The following GLTP variants were observed in gnomAD, a reference collection of about 807,000 sequenced individuals.
GLTP encodes the protein glycolipid transfer protein.
Under a neutral mutation model 24.0 loss-of-function variants are expected in GLTP, and 22 were observed. That is an observed-to-expected ratio of 0.92 (90% CI 0.65 to 1.31). The LOEUF (loss-of-function observed/expected upper bound fraction) is 1.31. GLTP is among the 50% of genes most tolerant of loss of function. The pLI is 0.00. For missense variants in GLTP, 224 were observed against 276.6 expected (o/e 0.81, Z 1.35); for synonymous variants, 92 against 115.9 (o/e 0.79, Z 1.33).
chr12:109,856,211 T>TC (rs1291298943), intron 3 of GLTP, among the ~76,000 whole-genome samples: 1 of 152,108 alleles, frequency 6.6e-6, no homozygotes, highest in Non-Finnish European at 1.5e-5. Flanking sequence ...GTACCAGGCT[T>TC]CCCGCCTCCA....
Position 109,869,317 on chromosome 12 carries a change from AAAAG to A in GLTP, c.104-10580_104-10577del, listed in dbSNP as rs1214165499. On this transcript the variant is annotated intron_variant, in intron 1 of 4. Transcript: ENST00000318348. ...AGGCTCTACCTCAAAAAAAAAAAAA[AAAAG>A]AAAGAAAGAAAGAAAGAAAGAGAAA... 9.5e-3 allele frequency among the ~76,000 whole-genome samples: 1,294 copies of A among 135,604 alleles called. 11 individuals carry two copies. The highest frequency in any genetic ancestry group is 0.043 in the Middle Eastern group (11 of 254). The allele number at this position is 135,604 out of a possible 152,430, so 89.0% of individuals were successfully genotyped here.
chr12:109,878,846 T>C (rs924007614), intron 1 of GLTP, among the ~76,000 whole-genome samples: 1 of 152,158 alleles, frequency 6.6e-6, no homozygotes, highest in Non-Finnish European at 1.5e-5. Context: ...TCAGGTTGCT[T>C]ACCCAGGTCT....
intron 1 of GLTP, among the ~76,000 whole-genome samples, chr12:109,869,316 A>AG (rs1181168158): frequency 1.3e-5 from 2 of 148,378 alleles, no homozygotes; most frequent in African/African-American, 5.1e-5. Flanking sequence ...AAAAAAAAAA[A>AG]AAAAGAAAGA....
Position 109,880,127 on chromosome 12 carries a change from G to T in GLTP, c.103+145C>A. 1.8e-6 allele frequency: 1 copy of T among 570,604 alleles called. No individual in the cohort carries two copies. Among genetic ancestry groups the T allele is most frequent in the Non-Finnish European group, 3.2e-6 (1 of 316,662 alleles). 35.3% of individuals were successfully genotyped at this position (570,604 alleles called of 1,614,324 possible). On this transcript the variant is annotated intron_variant, in intron 1 of 4. Coordinates refer to ENST00000318348, the MANE Select transcript of GLTP (RefSeq NM_016433.4). The surrounding 1 kb of genome is among the most constrained non-coding windows in gnomAD (Gnocchi z 5.1). ...GTCCGGGAAAGGGAGAATTTAGGGT[G>T]AGTGGAGGGAAAGAGGATCTTGGGT...
intron 1 of GLTP, among the ~76,000 whole-genome samples, chr12:109,861,129 C>T (rs1868358436): frequency 6.6e-6 from 1 of 152,146 alleles, no homozygotes; most frequent in South Asian, 2.1e-4. Context: ...CACCAAGTGA[C>T]CGCATGAGGG....
At chr12:109,854,532 G>A (rs1892771615) in intron 4 of GLTP, among the ~76,000 whole-genome samples, 1 of 152,164 alleles carries the variant, frequency 6.6e-6, no homozygotes, top group Non-Finnish European at 1.5e-5. Context: ...GCTCAGGGAG[G>A]TAGGATCACA....
chr12:109,867,741 T>C (rs942063483), intron 1 of GLTP, among the ~76,000 whole-genome samples: 2 of 151,942 alleles, frequency 1.3e-5, no homozygotes, highest in Admixed American at 1.3e-4. Context: ...TGGGGTATAG[T>C]GGCACAATCA....
intron 3 of GLTP, among the ~76,000 whole-genome samples, chr12:109,856,828 G>C (rs1892803286): frequency 6.6e-6 from 1 of 152,188 alleles, no homozygotes; most frequent in African/African-American, 2.4e-5. Context: ...TTGAGGCCAG[G>C]AGTTTGAGAC....
intron 1 of GLTP, among the ~76,000 whole-genome samples, chr12:109,865,933 T>G (rs1868514068): frequency 6.6e-6 from 1 of 151,972 alleles, no homozygotes; most frequent in African/African-American, 2.4e-5. Context: ...AAGAAACCAA[T>G]AAATCTAATT....
rs2136042630 is a variant in GLTP, at chr12:109,855,859, G to A, written c.297-90C>T. The A allele has an allele frequency of 5.2e-6, 6 of 1,151,844 alleles. No individual in the cohort carries two copies. In the South Asian group the frequency reaches 5.7e-5, roughly 11 times the overall value. The allele number at this position is 1,151,844 out of a possible 1,614,324, so 71.4% of individuals were successfully genotyped here. A position where few individuals can be genotyped will look rare whatever the true frequency, so the allele number is the denominator to read the frequency against. ...GGACTCTGAATTTGCCACCTACTGT[G>A]AGCCAGGAACATGGGCGCCCCAGAG... On this transcript the variant is annotated intron_variant, in intron 3 of 4. Transcript: ENST00000318348. This position sits in a 1 kb window ranked among gnomAD's most constrained non-coding sequence, Gnocchi z 4.1.
intron 4 of GLTP, among the ~76,000 whole-genome samples, chr12:109,854,708 G>A (rs10850883): frequency 0.55 from 83,290 of 152,040 alleles, 23,425 homozygotes; most frequent in South Asian, 0.66. Context: ...CTGACGTGGT[G>A]GTTTGAGGAT....
chr12:109,878,254 T>C (rs1868946988), intron 1 of GLTP, among the ~76,000 whole-genome samples: 1 of 152,156 alleles, frequency 6.6e-6, no homozygotes, highest in African/African-American at 2.4e-5. Context: ...AGAACGGATG[T>C]GCAACCTCGC....
intron 1 of GLTP, among the ~76,000 whole-genome samples, chr12:109,870,887 A>C (rs946797514): frequency 2.0e-5 from 3 of 152,132 alleles, no homozygotes; most frequent in Non-Finnish European, 1.5e-5. Context: ...AGAGGCTTCT[A>C]GAAGACCCTG....
At chr12:109,868,440 T>C (rs1868612726) in intron 1 of GLTP, among the ~76,000 whole-genome samples, 2 of 152,130 alleles carry the variant, frequency 1.3e-5, no homozygotes, top group Admixed American at 1.3e-4. Context: ...CAAACAGCCA[T>C]CTCTTACAAC....
At chr12:109,879,334 C>T (rs1329351786) in intron 1 of GLTP, among the ~76,000 whole-genome samples, 1 of 152,280 alleles carries the variant, frequency 6.6e-6, no homozygotes. Context: ...ACCCTTTACC[C>T]GGGACCCAAA....
intron 1 of GLTP, among the ~76,000 whole-genome samples, chr12:109,879,620 A>G (rs1446446856): frequency 6.6e-6 from 1 of 152,122 alleles, no homozygotes; most frequent in African/African-American, 2.4e-5. Context: ...AAAGGAGGAA[A>G]AACTTTAGGT....
At position 109,876,713 on chromosome 12, in the gene GLTP, G is replaced by A. The variant is rs559588804; in HGVS notation, c.103+3559C>T. On this transcript the variant is annotated intron_variant, in intron 1 of 4. Coordinates refer to ENST00000318348, the MANE Select transcript of GLTP (RefSeq NM_016433.4). ...AGAAAGAAAAGGAAAGACAGAAAAG[G>A]ACTGACATGAAAAGATGGTTATGCT... Among the ~76,000 whole-genome samples, 10 of 151,978 alleles carry A rather than the reference G, an allele frequency of 6.6e-5. No individual in the cohort carries two copies. The South Asian group carries it at 2.1e-3, about 32-fold the overall frequency.
At position 109,880,242 on chromosome 12, in the gene GLTP, G is replaced by A. The variant is rs746593825; in HGVS notation, c.103+30C>T. 7 of 1,361,260 alleles carry A rather than the reference G, an allele frequency of 5.1e-6. No homozygotes were observed. In the South Asian group the frequency reaches 6.0e-5, roughly 12 times the overall value. 84.3% of individuals were successfully genotyped at this position (1,361,260 alleles called of 1,614,324 possible). A position where few individuals can be genotyped will look rare whatever the true frequency, so the allele number is the denominator to read the frequency against. On this transcript the variant is annotated intron_variant, in intron 1 of 4. Transcript: ENST00000318348. The surrounding 1 kb of genome is among the most constrained non-coding windows in gnomAD (Gnocchi z 5.1). ...AGGATTCGGGTGCGCGTGGGGCTGC[G>A]GGCCGCCTCCCCCCTCCATTCCGGC...
At chr12:109,873,152 C>A (rs1451472827) in intron 1 of GLTP, among the ~76,000 whole-genome samples, 1 of 151,038 alleles carries the variant, frequency 6.6e-6, no homozygotes, top group Non-Finnish European at 1.5e-5. Context: ...CTATACAAAA[C>A]CAAAAATAAA....
Sources: allele counts gnomAD v4.1 joint callset (sites outside exome capture counted in the v4.1 genomes callset), GRCh38; gene constraint gnomAD v4.1.1; non-coding constraint Gnocchi (gnomAD v3.1); transcripts MANE v1.5; gene names NCBI Gene and HGNC (gene_info 2026-07-23, HGNC 2026-07-21).